Variants in SLC14A2 observed in about 807,000 individuals in gnomAD.
SLC14A2 encodes the protein solute carrier family 14 member 2.
A neutral mutation model predicts 104.6 loss-of-function variants in SLC14A2; 91 were observed. The observed-to-expected ratio is 0.87, with a 90% confidence interval of 0.73 to 1.04. The LOEUF is 1.04. SLC14A2 is among the 50% of genes least tolerant of loss of function. The probability of loss-of-function intolerance (pLI) is 0.00; values close to 1 mark genes in which losing one functional copy is unlikely to be tolerated. For synonymous variants in SLC14A2, 476 were observed against 466.4 expected (o/e 1.02, Z -0.27); for missense variants, 1,189 against 1,156.0 (o/e 1.03, Z -0.41).
chr18:45,611,052 A>G (rs528440837), upstream of SLC14A2, among the ~76,000 whole-genome samples: 1 of 152,326 alleles, frequency 6.6e-6, no homozygotes, highest in East Asian at 1.9e-4. Context: ...CACTAGGAGA[A>G]CTAGGGCCCA....
chr18:45,237,468 A>G (rs1053349492), intron 1 of SLC14A2, among the ~76,000 whole-genome samples: 3 of 152,158 alleles, frequency 2.0e-5, no homozygotes, highest in African/African-American at 7.2e-5. Context: ...CTAGTTCTCT[A>G]GTCGGCACAG....
At chr18:45,234,124 A>G (rs1424190467) in intron 1 of SLC14A2, among the ~76,000 whole-genome samples, 1 of 152,148 alleles carries the variant, frequency 6.6e-6, no homozygotes, top group African/African-American at 2.4e-5. Flanking sequence ...AAGTGCTGAT[A>G]ACTAAATTCC....
chr18:45,279,168 C>A (rs1208584834), intron 1 of SLC14A2, among the ~76,000 whole-genome samples: 2 of 152,100 alleles, frequency 1.3e-5, no homozygotes. Flanking sequence ...AGGTTCTATG[C>A]GTGATGTCAA....
intron 2 of SLC14A2, among the ~76,000 whole-genome samples, chr18:45,488,055 A>C (rs1469111484): frequency 6.6e-6 from 1 of 152,240 alleles, no homozygotes; most frequent in Non-Finnish European, 1.5e-5. Flanking sequence ...TCTGGAATTA[A>C]ACCTGATTAC....
intron 18 of SLC14A2, among the ~76,000 whole-genome samples, chr18:45,674,796 G>C (rs1000877674): frequency 2.6e-5 from 4 of 152,176 alleles, no homozygotes; most frequent in Non-Finnish European, 5.9e-5. Flanking sequence ...GGTGAGACAA[G>C]GGAGACACGT....
At chr18:45,427,627 G>A (rs965083943) in intron 1 of SLC14A2, among the ~76,000 whole-genome samples, 4 of 152,132 alleles carry the variant, frequency 2.6e-5, no homozygotes, top group Non-Finnish European at 4.4e-5. Context: ...AGTCCCTTAA[G>A]TCCCAGTGTT....
At chr18:45,333,239 G>A (rs979987428) in intron 1 of SLC14A2, among the ~76,000 whole-genome samples, 1 of 152,040 alleles carries the variant, frequency 6.6e-6, no homozygotes, top group African/African-American at 2.4e-5. Flanking sequence ...TCAAGCAGAG[G>A]AGTCTGGAAC....
intron 2 of SLC14A2, among the ~76,000 whole-genome samples, chr18:45,504,271 C>T (rs2043247775): frequency 6.6e-6 from 1 of 152,160 alleles, no homozygotes; most frequent in South Asian, 2.1e-4. Context: ...TGTCATATGT[C>T]CTTAAAATAA....
chr18:45,554,805 T>C (rs2044109625), intron 2 of SLC14A2, among the ~76,000 whole-genome samples: 1 of 152,152 alleles, frequency 6.6e-6, no homozygotes, highest in Non-Finnish European at 1.5e-5. Context: ...GCTGCTACTT[T>C]AGGGAAAGAT....
intron 1 of SLC14A2, among the ~76,000 whole-genome samples, chr18:45,454,802 G>C (rs2086914996): frequency 6.6e-6 from 1 of 152,160 alleles, no homozygotes; most frequent in South Asian, 2.1e-4. Context: ...TTGTCAAAGA[G>C]CAGGTGGTTA....
chr18:45,616,337 C>A (rs2045071791), intron 1 of SLC14A2, among the ~76,000 whole-genome samples: 1 of 151,994 alleles, frequency 6.6e-6, no homozygotes, highest in African/African-American at 2.4e-5. Context: ...TTTTATAAAC[C>A]ATGTTTGCTT....
At chr18:45,214,280 G>A (rs1352573504) in intron 1 of SLC14A2, among the ~76,000 whole-genome samples, 1 of 152,180 alleles carries the variant, frequency 6.6e-6, no homozygotes, top group Non-Finnish European at 1.5e-5. Flanking sequence ...TTTGGCAACA[G>A]TTGAATGCTC....
intron 1 of SLC14A2, among the ~76,000 whole-genome samples, chr18:45,244,364 T>C (rs1295765898): frequency 3.3e-5 from 5 of 152,160 alleles, no homozygotes; most frequent in South Asian, 2.1e-4. Flanking sequence ...CAGTGGCTCA[T>C]GCCTGTAATC....
intron 2 of SLC14A2, among the ~76,000 whole-genome samples, chr18:45,503,867 G>C (rs2043240591): frequency 3.6e-5 from 1 of 27,888 alleles, no homozygotes; most frequent in African/African-American, 7.4e-5. Flanking sequence ...AAAACAGAGA[G>C]GAGTTTATCT....
chr18:45,328,695 A>G (rs1311745453), intron 1 of SLC14A2, among the ~76,000 whole-genome samples: 1 of 152,246 alleles, frequency 6.6e-6, no homozygotes, highest in Non-Finnish European at 1.5e-5. Context: ...TAAGAAGCAT[A>G]TGCTTAACAC....
intron 10 of SLC14A2, among the ~76,000 whole-genome samples, chr18:45,649,777 A>C (rs1248583436): frequency 6.6e-6 from 1 of 152,032 alleles, no homozygotes; most frequent in South Asian, 2.1e-4. Flanking sequence ...TTGTTCCTTC[A>C]TTTTCTGGCT....
chr18:45,591,233 T>A (rs2044642758), intron 2 of SLC14A2, among the ~76,000 whole-genome samples: 2 of 152,244 alleles, frequency 1.3e-5, no homozygotes, highest in African/African-American at 4.8e-5. Flanking sequence ...AAGCCAATGC[T>A]TCTCCAACTG....
At chr18:45,630,965 T>C (rs1467470108) in intron 4 of SLC14A2, among the ~76,000 whole-genome samples, 1 of 152,122 alleles carries the variant, frequency 6.6e-6, no homozygotes, top group Non-Finnish European at 1.5e-5. Flanking sequence ...TCTCCTCTTA[T>C]CTAGGTCACT....
chr18:45,534,028 T>G (rs2043741672), intron 2 of SLC14A2, among the ~76,000 whole-genome samples: 1 of 152,162 alleles, frequency 6.6e-6, no homozygotes, highest in African/African-American at 2.4e-5. Flanking sequence ...TGTTTAGGGT[T>G]TAGGTTTTTG....
Sources: gnomAD v4.1 joint callset for allele counts (sites outside exome capture counted in the v4.1 genomes callset) on GRCh38, gnomAD v4.1.1 for gene constraint, MANE v1.5 for transcripts, NCBI Gene and HGNC (gene_info 2026-07-23, HGNC 2026-07-21) for gene names.